RBFOX1: variants seen among roughly 807,000 people sequenced by gnomAD.
RBFOX1 encodes the protein RNA binding protein fox-1 homolog 1.
RBFOX1 carries 8 observed loss-of-function variants against 57.7 expected under a neutral mutation model. The observed-to-expected ratio is 0.14, with a 90% CI of 0.08 to 0.25. The LOEUF (loss-of-function observed/expected upper bound fraction) is 0.25, where lower values mean the gene tolerates loss of function less well. Ranked by LOEUF, RBFOX1 falls within the 10% of genes least tolerant of loss-of-function variation. The pLI is 1.00. For missense variants in RBFOX1, 611 were observed against 548.5 expected, an observed-to-expected ratio of 1.11 and a Z score of -1.14; for synonymous variants, 326 against 222.4, an observed-to-expected ratio of 1.47 and a Z score of -4.15.
intron 4 of RBFOX1, among the ~76,000 whole-genome samples, chr16:7,378,174 C>G (rs767433096): frequency 1.3e-5 from 2 of 152,162 alleles, no homozygotes; most frequent in African/African-American, 4.8e-5. Context: ...TGAGCTTTAT[C>G]GTTGCTGAGC....
Position 5,766,510 on chromosome 16 carries a change from G to T in RBFOX1, c.319-100793G>T, listed in dbSNP as rs1047170934. Reference sequence around the variant, plus strand: ...TGAGGCAGGGGAATTGCTTGAATCCGGGAGGCAGAGGTTGCAGTGAGCCGA... The same window carrying T: ...TGAGGCAGGGGAATTGCTTGAATCCTGGAGGCAGAGGTTGCAGTGAGCCGA... On this transcript the variant is annotated intron_variant, in intron 3 of 19. Coordinates refer to the RBFOX1 transcript ENST00000641259. 2.0e-5 allele frequency among the ~76,000 whole-genome samples: 3 copies of T among 152,060 alleles called. No individual in the cohort carries two copies. In the South Asian group the frequency reaches 6.2e-4, roughly 32 times the overall value.
In RBFOX1 at chr16:5,763,829, C is replaced by G. The variant is rs151201154; in HGVS notation, c.319-103474C>G. Among the ~76,000 whole-genome samples, 13 of 152,354 alleles carry G rather than the reference C, an allele frequency of 8.5e-5. No homozygotes were observed. The East Asian group carries it at 1.5e-3, about 18-fold the overall frequency. On this transcript the variant is annotated intron_variant, in intron 3 of 19. Coordinates refer to the RBFOX1 transcript ENST00000641259. The stretch of plus-strand genomic sequence containing the variant: ...TCAAATGCTCCCTTCTGAGCTTACA[C>G]TCCTCTGAATGCGCTGGCTGTCTTA...
intron 4 of RBFOX1, among the ~76,000 whole-genome samples, chr16:6,009,876 T>C (rs1037226475): frequency 6.6e-6 from 1 of 150,420 alleles, no homozygotes; most frequent in Non-Finnish European, 1.5e-5. Context: ...TCTCATCCTA[T>C]ACTTCCTGAA....
chr16:7,089,846 C>G (rs1013616646), intron 4 of RBFOX1, among the ~76,000 whole-genome samples: 3 of 151,972 alleles, frequency 2.0e-5, no homozygotes, highest in Non-Finnish European at 2.9e-5. Context: ...GAAAAATGGG[C>G]ACTACCTTCC....
chr16:6,716,399 C>G (rs1330398152), intron 3 of RBFOX1, among the ~76,000 whole-genome samples: 1 of 152,178 alleles, frequency 6.6e-6, no homozygotes, highest in Non-Finnish European at 1.5e-5. Flanking sequence ...CTGGAAGTGC[C>G]ATTTCAAAGC....
chr16:7,045,705 A>T (rs1294275980), intron 3 of RBFOX1, among the ~76,000 whole-genome samples: 2 of 151,762 alleles, frequency 1.3e-5, no homozygotes, highest in African/African-American at 4.8e-5. Context: ...CCCAGGCTGG[A>T]GTGCAGTGGC....
At chr16:7,412,222 C>G (rs919245678) in intron 4 of RBFOX1, among the ~76,000 whole-genome samples, 1 of 151,824 alleles carries the variant, frequency 6.6e-6, no homozygotes, top group Non-Finnish European at 1.5e-5. Flanking sequence ...CCAGACTAGC[C>G]TGGCCAACAT....
chr16:7,694,694 G>T (rs555753060), intron 14 of RBFOX1, among the ~76,000 whole-genome samples: 1 of 152,188 alleles, frequency 6.6e-6, no homozygotes, highest in African/African-American at 2.4e-5. Flanking sequence ...TAGGTGCAAT[G>T]GTTAATTGAA....
intron 2 of RBFOX1, among the ~76,000 whole-genome samples, chr16:5,480,002 T>C (rs1223991195): frequency 6.6e-6 from 1 of 152,140 alleles, no homozygotes; most frequent in Non-Finnish European, 1.5e-5. Context: ...GCCTTCCTCC[T>C]TGCCTACAGG....
intron 1 of RBFOX1, among the ~76,000 whole-genome samples, chr16:5,318,622 C>G (rs1163868137): frequency 6.6e-6 from 1 of 152,180 alleles, no homozygotes; most frequent in African/African-American, 2.4e-5. Flanking sequence ...AACACTTTAT[C>G]ATATGGAGCC....
intron 4 of RBFOX1, among the ~76,000 whole-genome samples, chr16:7,388,342 A>G (rs2097919285): frequency 1.3e-5 from 2 of 152,226 alleles, no homozygotes; most frequent in South Asian, 4.1e-4. Context: ...GAGATGCATG[A>G]AAATTATTTT....
intron 3 of RBFOX1, among the ~76,000 whole-genome samples, chr16:6,768,925 C>T (rs761487862): frequency 1.3e-5 from 2 of 152,026 alleles, no homozygotes; most frequent in Non-Finnish European, 2.9e-5. Context: ...GATGGGGTTT[C>T]ACCATGTTGG....
chr16:6,764,805 C>T (rs1445843552), intron 3 of RBFOX1, among the ~76,000 whole-genome samples: 2 of 151,844 alleles, frequency 1.3e-5, no homozygotes, highest in Non-Finnish European at 1.5e-5. Flanking sequence ...GGCATGGTGA[C>T]GGGTGCCTGT....
intron 9 of RBFOX1, among the ~76,000 whole-genome samples, chr16:7,604,074 G>A (rs1329825488): frequency 2.6e-5 from 4 of 152,126 alleles, no homozygotes; most frequent in African/African-American, 4.8e-5. Flanking sequence ...ATTTTCTAAT[G>A]GATCACACAT....
At chr16:5,610,323 A>G (rs1378366557) in intron 3 of RBFOX1, 3 of 152,328 alleles carry the variant, frequency 2.0e-5, no homozygotes, top group Non-Finnish European at 2.9e-5. Context: ...TTTTATTCAC[A>G]TAGCTTCATG....
intron 4 of RBFOX1, among the ~76,000 whole-genome samples, chr16:7,184,589 G>T (rs1327145006): frequency 2.6e-5 from 4 of 152,192 alleles, no homozygotes; most frequent in Non-Finnish European, 5.9e-5. Flanking sequence ...AGTCTTGTCT[G>T]TTTAGCAAAC....
intron 4 of RBFOX1, among the ~76,000 whole-genome samples, chr16:7,445,195 G>A (rs529314280): frequency 6.6e-6 from 1 of 152,212 alleles, no homozygotes; most frequent in African/African-American, 2.4e-5. Flanking sequence ...TTAAACAAAG[G>A]AAAGTTGGTA....
intron 1 of RBFOX1, among the ~76,000 whole-genome samples, chr16:6,272,137 C>A (rs979122732): frequency 1.8e-4 from 28 of 152,092 alleles, no homozygotes; most frequent in African/African-American, 5.8e-4. Context: ...AACACTGGTT[C>A]AATATTTACA....
At chr16:6,600,121 C>T (rs1263225427) in intron 2 of RBFOX1, among the ~76,000 whole-genome samples, 2 of 152,124 alleles carry the variant, frequency 1.3e-5, no homozygotes, top group African/African-American at 2.4e-5. Context: ...TTCTCACTTC[C>T]CTTACCAGAC....
Sources: allele counts gnomAD v4.1 joint callset (sites outside exome capture counted in the v4.1 genomes callset), GRCh38; gene constraint gnomAD v4.1.1; transcripts MANE v1.5; gene names NCBI Gene and HGNC (gene_info 2026-07-23, HGNC 2026-07-21).